SLC38A1: variants seen among roughly 807,000 people sequenced by gnomAD.
SLC38A1 encodes solute carrier family 38 member 1, also known as sodium-coupled neutral amino acid symporter 1.
A neutral mutation model predicts 60.3 loss-of-function variants in SLC38A1; 18 were observed. The observed-to-expected ratio is 0.30, with a 90% CI of 0.21 to 0.44. The LOEUF is 0.44. Ranked by LOEUF, SLC38A1 falls within the 20% of genes least tolerant of loss-of-function variation. The pLI is 1.00. For missense variants in SLC38A1, 448 were observed against 587.2 expected, an observed-to-expected ratio of 0.76 and a Z score of 2.45; for synonymous variants, 196 against 212.1, an observed-to-expected ratio of 0.92 and a Z score of 0.66.
chr12:46,236,376 A>G (rs939542116), intron 3 of SLC38A1, among the ~76,000 whole-genome samples: 2 of 152,184 alleles, frequency 1.3e-5, no homozygotes, highest in Admixed American at 6.5e-5. Flanking sequence ...TTTGAATATA[A>G]GCAGGCTAAG....
intron 1 of SLC38A1, among the ~76,000 whole-genome samples, chr12:46,254,545 C>G (rs978323832): frequency 6.6e-5 from 10 of 152,186 alleles, no homozygotes; most frequent in Non-Finnish European, 8.8e-5. Context: ...TAGAACCAAG[C>G]CTTGCAATGA....
rs541687865 is a variant in SLC38A1 at position 46,196,183 on chromosome 12, G to A, written c.1362+1537C>T. On this transcript the variant is annotated intron_variant, in intron 16 of 16. Coordinates refer to ENST00000398637, the MANE Select transcript of SLC38A1 (RefSeq NM_030674.4). ...GAACACAAGATTATAAGTTCCTTGC[G>A]CTTGAGCATGTTCAGTGAGAGCGCT... is the stretch of plus-strand genomic sequence containing the variant. The A allele has an allele frequency of 1.4e-4, 213 of 1,536,066 alleles. 2 individuals carry two copies. In the Middle Eastern group the frequency reaches 1.5e-3, roughly 11 times the overall value.
At chr12:46,259,222 G>A (rs1385521439) in intron 1 of SLC38A1, among the ~76,000 whole-genome samples, 1 of 152,112 alleles carries the variant, frequency 6.6e-6, no homozygotes, top group Non-Finnish European at 1.5e-5. Context: ...CTATAATTCC[G>A]GGCCAGCTAG....
chr12:46,199,275 G>A (rs956145238), intron 13 of SLC38A1, among the ~76,000 whole-genome samples: 16 of 145,814 alleles, frequency 1.1e-4, no homozygotes, highest in African/African-American at 3.3e-4. Flanking sequence ...TGTTGTTCTT[G>A]TAAAAAAAAA....
chr12:46,212,433 GGACTACA>G (rs1388806823), intron 5 of SLC38A1, among the ~76,000 whole-genome samples: 1 of 152,122 alleles, frequency 6.6e-6, no homozygotes, highest in Non-Finnish European at 1.5e-5. Context: ...ACTTACATGG[GGACTACA>G]GATCAGCAAT....
intron 9 of SLC38A1, among the ~76,000 whole-genome samples, chr12:46,205,058 G>A (rs1477555907): frequency 1.3e-5 from 2 of 152,190 alleles, no homozygotes; most frequent in African/African-American, 4.8e-5. Context: ...AGATGACAGA[G>A]AGTAGATGAA....
chr12:46,226,582 T>TA (rs1272518668), intron 5 of SLC38A1, among the ~76,000 whole-genome samples: 1 of 148,236 alleles, frequency 6.7e-6, no homozygotes, highest in Non-Finnish European at 1.5e-5. Flanking sequence ...CACAATAATG[T>TA]AAAAAAATTT....
intron 11 of SLC38A1, among the ~76,000 whole-genome samples, chr12:46,204,001 G>A (rs1939777646): frequency 1.3e-5 from 2 of 152,170 alleles, no homozygotes; most frequent in African/African-American, 4.8e-5. Context: ...GCCAGAAGAA[G>A]GGAGCTAAGG....
chr12:46,244,688 G>A (rs1941555484), intron 1 of SLC38A1, among the ~76,000 whole-genome samples: 1 of 152,238 alleles, frequency 6.6e-6, no homozygotes, highest in Non-Finnish European at 1.5e-5. Flanking sequence ...GGCACAGATA[G>A]CATTTAACCT....
intron 2 of SLC38A1, among the ~76,000 whole-genome samples, chr12:46,240,557 C>T (rs1941412661): frequency 6.6e-6 from 1 of 152,176 alleles, no homozygotes; most frequent in Non-Finnish European, 1.5e-5. Context: ...TCGCAGAGCA[C>T]ACACATAGCT....
At chr12:46,229,784 A>T in intron 3 of SLC38A1, 145 bp from the exon 4 acceptor site, 4 of 647,912 alleles carry the variant, frequency 6.2e-6, no homozygotes, top group Non-Finnish European at 1.1e-5. Context: ...TCAACCACCA[A>T]CTCCCCCCAC....
chr12:46,198,555 C>T (rs150426116), intron 14 of SLC38A1, 70 bp downstream of exon 14: 56 of 1,036,100 alleles, frequency 5.4e-5, no homozygotes, highest in African/African-American at 1.3e-4. Flanking sequence ...TTCTCTGCAA[C>T]GGGCTCCTGC....
chr12:46,228,082 G>A (rs1286337875), intron 5 of SLC38A1, among the ~76,000 whole-genome samples: 1 of 152,198 alleles, frequency 6.6e-6, no homozygotes, highest in African/African-American at 2.4e-5. Context: ...AAGAGAGGAG[G>A]CTAGAGTTAG....
At chr12:46,251,274 G>A (rs1941828660) in intron 1 of SLC38A1, among the ~76,000 whole-genome samples, 4 of 152,142 alleles carry the variant, frequency 2.6e-5, no homozygotes, top group Admixed American at 6.5e-5. Context: ...AATGGTGCTG[G>A]GAAAACTGAC....
chr12:46,188,803 AT>A lies in SLC38A1; in HGVS notation c.*166del, dbSNP rs1310708192. ...CTCAAATCTTGGAGGGACATGAAGC[AT>A]TATAGAACCATGTCTCTGTTTTGCA... On this transcript the variant is annotated 3_prime_UTR_variant, in exon 17 of 17. Transcript: ENST00000398637. The A allele has an allele frequency of 5.7e-6, 3 of 529,848 alleles. No homozygotes were observed. Among genetic ancestry groups the A allele is most frequent in the Non-Finnish European group, 6.7e-6 (2 of 297,802 alleles). 32.8% of individuals were successfully genotyped at this position (529,848 alleles called of 1,614,324 possible). A position where few individuals can be genotyped will look rare whatever the true frequency, so the allele number is the denominator to read the frequency against.
chr12:46,208,540 A>G (rs1236131874), intron 6 of SLC38A1, among the ~76,000 whole-genome samples: 1 of 152,250 alleles, frequency 6.6e-6, no homozygotes, highest in Non-Finnish European at 1.5e-5. Flanking sequence ...AATTACAAAC[A>G]TAATCCAGTG....
intron 7 of SLC38A1, 68 bp from the exon 8 acceptor site, chr12:46,207,304 T>G: frequency 7.2e-7 from 1 of 1,389,778 alleles, no homozygotes; most frequent in Non-Finnish European, 1.0e-6. Context: ...ACATAAAAAG[T>G]TATCAGCCCG....
At chr12:46,259,498 C>T (rs976651063) in intron 1 of SLC38A1, among the ~76,000 whole-genome samples, 1 of 152,156 alleles carries the variant, frequency 6.6e-6, no homozygotes, top group Non-Finnish European at 1.5e-5. Flanking sequence ...AAAGTCAACA[C>T]TCAAAACTCA....
chr12:46,229,668 C>T (rs1486780286), intron 3 of SLC38A1, 29 bp from the exon 4 acceptor site: 1 of 1,570,942 alleles, frequency 6.4e-7, no homozygotes, highest in Admixed American at 1.7e-5. Context: ...TATATTTAAC[C>T]TTATGATAAT....
Sources: gnomAD v4.1 joint callset for allele counts (sites outside exome capture counted in the v4.1 genomes callset) on GRCh38, gnomAD v4.1.1 for gene constraint, MANE v1.5 for transcripts, NCBI Gene and HGNC (gene_info 2026-07-23, HGNC 2026-07-21) for gene names.